Variants in CSMD1 observed in about 807,000 individuals in gnomAD.
CSMD1 encodes the protein CUB and Sushi multiple domains 1, also known as CUB and sushi domain-containing protein 1.
Under a neutral mutation model 417.5 loss-of-function variants are expected in CSMD1, and 213 were observed. The observed-to-expected ratio is 0.51, with a 90% confidence interval of 0.46 to 0.57. CSMD1 has a LOEUF of 0.57. Among genes scored for constraint, CSMD1 ranks in the 20% least tolerant of loss-of-function variants. The pLI, the probability that CSMD1 is intolerant of heterozygous loss-of-function variation, is 0.00. For missense variants in CSMD1, 6,923 were observed against 4,529.7 expected (o/e 1.53, Z -15.17); for synonymous variants, 2,862 against 1,736.8 (o/e 1.65, Z -16.11).
intron 2 of CSMD1, among the ~76,000 whole-genome samples, chr8:4,486,267 A>G (rs1160214956): frequency 7.1e-6 from 1 of 140,852 alleles, no homozygotes; most frequent in Non-Finnish European, 1.5e-5. Flanking sequence ...ATATATATAT[A>G]TATATATATA....
chr8:4,178,942 G>A (rs1421982246), intron 3 of CSMD1, among the ~76,000 whole-genome samples: 2 of 152,028 alleles, frequency 1.3e-5, no homozygotes, highest in African/African-American at 2.4e-5. Context: ...ACAAACAAAT[G>A]GAAGAACATT....
At chr8:2,955,195 A>C (rs999268976) in intron 64 of CSMD1, among the ~76,000 whole-genome samples, 1 of 152,228 alleles carries the variant, frequency 6.6e-6, no homozygotes, top group African/African-American at 2.4e-5. Flanking sequence ...TCATTTACCT[A>C]TTCTCGGATA....
At chr8:2,962,678 C>A in intron 60 of CSMD1, 39 bp from the exon 61 acceptor site, 2 of 1,591,184 alleles carry the variant, frequency 1.3e-6, no homozygotes, top group Non-Finnish European at 1.7e-6. Context: ...CCTTCAACGT[C>A]CCTGGATCAG....
chr8:3,780,256 A>G (rs1799104410), intron 5 of CSMD1, among the ~76,000 whole-genome samples: 1 of 152,230 alleles, frequency 6.6e-6, no homozygotes, highest in Non-Finnish European at 1.5e-5. Flanking sequence ...TGGTTCTTCC[A>G]TGCTCAGAAA....
chr8:4,074,865 G>A (rs1157622224), intron 3 of CSMD1, among the ~76,000 whole-genome samples: 2 of 151,876 alleles, frequency 1.3e-5, no homozygotes, highest in Non-Finnish European at 2.9e-5. Flanking sequence ...CTCTCCTCCA[G>A]AATGCACACT....
intron 27 of CSMD1, among the ~76,000 whole-genome samples, chr8:3,229,669 T>A (rs989870816): frequency 6.6e-6 from 1 of 152,110 alleles, no homozygotes; most frequent in South Asian, 2.1e-4. Context: ...TTTTAGTGAG[T>A]AGGTTTTGCT....
At chr8:4,987,395 T>G (rs1255106277) in intron 1 of CSMD1, among the ~76,000 whole-genome samples, 1 of 152,136 alleles carries the variant, frequency 6.6e-6, no homozygotes, top group Non-Finnish European at 1.5e-5. Context: ...CTGCAACACT[T>G]TAGGAAAACG....
At chr8:4,279,020 T>G (rs1796637657) in intron 3 of CSMD1, among the ~76,000 whole-genome samples, 2 of 152,232 alleles carry the variant, frequency 1.3e-5, no homozygotes, top group Non-Finnish European at 1.5e-5. Flanking sequence ...TTGTTAAAGT[T>G]GAGCTATGGA....
intron 60 of CSMD1, 120 bp from the exon 61 acceptor site, chr8:2,962,759 T>C (rs950161165): frequency 7.5e-5 from 81 of 1,076,950 alleles, no homozygotes; most frequent in Non-Finnish European, 1.0e-4. Context: ...AGAAAAACGC[T>C]AAAAGGAGGC....
At chr8:3,045,155 T>C (rs1031130985) in intron 50 of CSMD1, among the ~76,000 whole-genome samples, 1 of 152,222 alleles carries the variant, frequency 6.6e-6, no homozygotes, top group Non-Finnish European at 1.5e-5. Flanking sequence ...AGATGATGCT[T>C]AGAAAATGTT....
chr8:3,732,464 T>G (rs376571649), intron 6 of CSMD1, among the ~76,000 whole-genome samples: 6 of 152,280 alleles, frequency 3.9e-5, no homozygotes, highest in East Asian at 1.9e-4. Context: ...AATAGTAATT[T>G]AACTACAAAA....
intron 3 of CSMD1, among the ~76,000 whole-genome samples, chr8:4,212,856 T>G (rs1800404475): frequency 6.6e-6 from 1 of 150,394 alleles, no homozygotes; most frequent in African/African-American, 2.5e-5. Context: ...TAGTCCAGCT[T>G]TCCATCCTAC....
In CSMD1 at chr8:3,151,647, C is replaced by G. The variant is rs544298226; in HGVS notation, c.5915-134G>C. ...TAATTCTGCCCCTAATTACAGCACA[C>G]GATACAATGCTGTGTGCCTTAGTTA... On this transcript the variant is annotated intron_variant, in intron 39 of 69. Coordinates refer to ENST00000635120, the MANE Select transcript of CSMD1 (RefSeq NM_033225.6). 8.2e-6 allele frequency: 5 copies of G among 607,202 alleles called. No individual in the cohort carries two copies. In the East Asian group the frequency reaches 1.1e-4, roughly 13 times the overall value. 37.6% of individuals were successfully genotyped at this position (607,202 alleles called of 1,614,324 possible). A position where few individuals can be genotyped will look rare whatever the true frequency, so the allele number is the denominator to read the frequency against.
intron 25 of CSMD1, among the ~76,000 whole-genome samples, chr8:3,306,312 T>G (rs1437300570): frequency 6.6e-6 from 1 of 152,212 alleles, no homozygotes; most frequent in East Asian, 1.9e-4. Flanking sequence ...TAGCTGGGAT[T>G]ACAGGTGTGT....
intron 1 of CSMD1, among the ~76,000 whole-genome samples, chr8:4,677,972 G>A (rs747196231): frequency 1.5e-4 from 23 of 152,248 alleles, no homozygotes; most frequent in Non-Finnish European, 3.1e-4. Flanking sequence ...CATAAAGCCT[G>A]CCTTCCATGG....
chr8:3,126,333 GC>G (rs1483326403), intron 41 of CSMD1, among the ~76,000 whole-genome samples: 1 of 152,224 alleles, frequency 6.6e-6, no homozygotes, highest in Non-Finnish European at 1.5e-5. Flanking sequence ...TCAAGGCAAA[GC>G]CCTCGAGCAA....
intron 3 of CSMD1, among the ~76,000 whole-genome samples, chr8:4,368,327 G>C (rs1223314972): frequency 6.6e-6 from 1 of 152,102 alleles, no homozygotes; most frequent in Admixed American, 6.6e-5. Flanking sequence ...TTAGATCACA[G>C]GTATACAGCC....
rs537984750 is a variant in CSMD1 at position 4,925,527 on chromosome 8, C to G, written c.85+68805G>C. Among the ~76,000 whole-genome samples the G allele has an allele frequency of 3.7e-3, 525 of 141,032 alleles. 1 individual carries two copies. The highest frequency in any genetic ancestry group is 0.013 in the African/African-American group (504 of 38,482). The allele number at this position is 141,032 out of a possible 152,430, so 92.5% of individuals were successfully genotyped here. Reference sequence around the variant, plus strand: ...TTATTCTGAAACGTGGGTATTCTGTCTGGCATTTTCTTTTTTTTTTCTTTT... The same window carrying G: ...TTATTCTGAAACGTGGGTATTCTGTGTGGCATTTTCTTTTTTTTTTCTTTT... On this transcript the variant is annotated intron_variant, in intron 1 of 69. Coordinates refer to ENST00000635120, the MANE Select transcript of CSMD1 (RefSeq NM_033225.6).
At chr8:4,394,629 G>A (rs1804078728) in intron 3 of CSMD1, among the ~76,000 whole-genome samples, 2 of 151,898 alleles carry the variant, frequency 1.3e-5, no homozygotes. Context: ...ATTAGGGCTG[G>A]GAACTCCTGT....
Sources: gnomAD v4.1 joint callset for allele counts (sites outside exome capture counted in the v4.1 genomes callset) on GRCh38, gnomAD v4.1.1 for gene constraint, MANE v1.5 for transcripts, NCBI Gene and HGNC (gene_info 2026-07-23, HGNC 2026-07-21) for gene names.